The following FNBP1L variants were observed in gnomAD, a reference collection of about 807,000 sequenced individuals.
FNBP1L encodes formin-binding protein 1-like.
In FNBP1L, 36 loss-of-function variants were observed where a neutral mutation model predicts 91.2. The observed-to-expected ratio is 0.39, with a 90% confidence interval of 0.30 to 0.52. The LOEUF is 0.52. Among genes scored for constraint, FNBP1L ranks in the 20% least tolerant of loss-of-function variants. FNBP1L has a pLI of 0.66. For missense variants in FNBP1L, 571 were observed against 732.1 expected (o/e 0.78, Z 2.54); for synonymous variants, 242 against 237.0 (o/e 1.02, Z -0.19).
chr1:93,476,464 G>T (rs1459567751), intron 1 of FNBP1L, among the ~76,000 whole-genome samples: 2 of 152,162 alleles, frequency 1.3e-5, no homozygotes, highest in African/African-American at 2.4e-5. Context: ...ACAAATAATT[G>T]AATGTTAACC....
rs553083912 is a variant in FNBP1L at position 93,497,702 on chromosome 1, C to G, written c.25-1766C>G. 8.5e-5 allele frequency among the ~76,000 whole-genome samples: 13 copies of G among 152,288 alleles called. 1 individual carries two copies. The South Asian group carries it at 2.7e-3, about 32-fold the overall frequency. Reference sequence around the variant, plus strand: ...TGGCATGATCTTGGCTCACTGCAACCTCCGCCTCCTGGGTTCAAGCAATTC... The same window carrying G: ...TGGCATGATCTTGGCTCACTGCAACGTCCGCCTCCTGGGTTCAAGCAATTC... On this transcript the variant is annotated intron_variant, in intron 1 of 16. Coordinates refer to ENST00000271234, the MANE Select transcript of FNBP1L (RefSeq NM_001164473.3).
intron 1 of FNBP1L, among the ~76,000 whole-genome samples, chr1:93,454,148 C>T (rs895490807): frequency 3.3e-5 from 5 of 152,172 alleles, no homozygotes; most frequent in African/African-American, 9.7e-5. Flanking sequence ...CTGGATTAGC[C>T]TGACATTAGT....
chr1:93,487,463 C>G (rs1378869406), intron 1 of FNBP1L, among the ~76,000 whole-genome samples: 1 of 152,174 alleles, frequency 6.6e-6, no homozygotes, highest in Non-Finnish European at 1.5e-5. Flanking sequence ...TTTGGCATCT[C>G]ATTTTTCATC....
chr1:93,547,353 C>T lies in FNBP1L; in HGVS notation c.1414C>T (p.Leu472Phe), dbSNP rs1035656544. The T allele has an allele frequency of 1.9e-6, 3 of 1,556,512 alleles. No individual in the cohort carries two copies. Among genetic ancestry groups the T allele is most frequent in the Admixed American group, 1.9e-5 (1 of 51,674 alleles). Residue 472 changes from leucine to phenylalanine, a missense_variant, in exon 14 of 17, where the codon CTC becomes TTC. Physicochemically the swap from Leu to Phe is conservative, Grantham distance 22 (BLOSUM62 0). Transcript: ENST00000271234. ...GCTTATTTTTTTTCCTAAGGCTTGG[C>T]TCTCTGAAGTCGAAGGCAAAACAGG... The part of the protein sequence containing the change: ...RMEIHKNEAW[L>F]SEVEGKTGGR...
At chr1:93,517,876 A>T (rs1398853418) in intron 2 of FNBP1L, among the ~76,000 whole-genome samples, 1 of 152,178 alleles carries the variant, frequency 6.6e-6, no homozygotes, top group East Asian at 1.9e-4. Context: ...TGGCTTTGTC[A>T]CTTACTGGCT....
In FNBP1L at chr1:93,549,324, C is replaced by T. The variant is rs1374895705; in HGVS notation, c.1549C>T (p.Pro517Ser). ...TGATGCAAACCAGGAAGTCCGTGGG[C>T]CACCCCAGCAGCATGGTCACCACAA... The part of the protein sequence containing the change: ...TDDANQEVRG[P>S]PQQHGHHNEF... Residue 517 changes from proline (P) to serine (S), a missense_variant, in exon 15 of 17, where the codon CCA becomes TCA. Physicochemically the swap from Pro to Ser is moderately conservative, Grantham distance 74 (BLOSUM62 -1). This residue lies in a region of FNBP1L where 189 missense variants were observed against 219.7 expected (regional missense o/e 0.86). Coordinates refer to ENST00000271234, the MANE Select transcript of FNBP1L (RefSeq NM_001164473.3). 2 of 1,612,686 alleles carry T rather than the reference C, an allele frequency of 1.2e-6. No individual in the cohort carries two copies. The highest frequency in any genetic ancestry group is 1.7e-5 in the Admixed American group (1 of 59,776).
intron 1 of FNBP1L, among the ~76,000 whole-genome samples, chr1:93,472,324 A>T (rs1042462522): frequency 3.3e-5 from 5 of 152,344 alleles, no homozygotes; most frequent in African/African-American, 1.2e-4. Flanking sequence ...ATACTTAAGC[A>T]GTGCATTTCA....
At position 93,506,096 on chromosome 1, in the gene FNBP1L, T is replaced by G. The variant is rs1328194216; in HGVS notation, c.140+6513T>G. 1.6e-4 allele frequency among the ~76,000 whole-genome samples: 24 copies of G among 152,226 alleles called. 1 individual carries two copies. The highest frequency in any genetic ancestry group is 1.4e-3 in the Admixed American group (22 of 15,284). ...AGCTAATTTAAGTATAATGAGAAATTTATTTACAATATAAATTTATTGATT... is the reference window on the plus strand; with the variant it reads ...AGCTAATTTAAGTATAATGAGAAATGTATTTACAATATAAATTTATTGATT... On this transcript the variant is annotated intron_variant, in intron 2 of 16. Coordinates refer to ENST00000271234, the MANE Select transcript of FNBP1L (RefSeq NM_001164473.3).
intron 1 of FNBP1L, among the ~76,000 whole-genome samples, chr1:93,450,641 G>C (rs1393339795): frequency 6.6e-6 from 1 of 152,178 alleles, no homozygotes; most frequent in Non-Finnish European, 1.5e-5. Flanking sequence ...CTGTGCTCTT[G>C]CCATTGAGGA....
intron 2 of FNBP1L, among the ~76,000 whole-genome samples, chr1:93,505,258 T>C (rs1342450427): frequency 6.6e-6 from 1 of 152,016 alleles, no homozygotes; most frequent in Non-Finnish European, 1.5e-5. Flanking sequence ...AAATAGCACT[T>C]GAACATAAAT....
chr1:93,509,427 A>G (rs1670742012), intron 2 of FNBP1L, among the ~76,000 whole-genome samples: 1 of 152,176 alleles, frequency 6.6e-6, no homozygotes, highest in Non-Finnish European at 1.5e-5. Context: ...CGTTCTACCA[A>G]ACTGTTAGGG....
intron 7 of FNBP1L, among the ~76,000 whole-genome samples, chr1:93,532,511 T>C (rs1570855751): frequency 7.7e-6 from 1 of 130,588 alleles, no homozygotes; most frequent in South Asian, 2.8e-4. Context: ...GTATATGTTA[T>C]GGGCCAGTTG....
intron 1 of FNBP1L, among the ~76,000 whole-genome samples, chr1:93,480,642 G>A (rs550263417): frequency 1.3e-5 from 2 of 151,640 alleles, no homozygotes; most frequent in Admixed American, 6.6e-5. Flanking sequence ...CTGGAGTGCA[G>A]TGGCACAATC....
In FNBP1L at chr1:93,518,749, C is replaced by G. The variant is rs143578227; in HGVS notation, c.141-3333C>G. On this transcript the variant is annotated intron_variant, in intron 2 of 16. Coordinates refer to ENST00000271234, the MANE Select transcript of FNBP1L (RefSeq NM_001164473.3). The stretch of plus-strand genomic sequence containing the variant: ...TGCCATAAGATTCATTTGCTAAAGT[C>G]TACACTTGAGTGTTCTTTTAGTGTA... Among the ~76,000 whole-genome samples the G allele has an allele frequency of 1.9e-3, 291 of 152,304 alleles. 2 individuals are homozygous for G. Among genetic ancestry groups the G allele is most frequent in the African/African-American group, 6.7e-3 (280 of 41,574 alleles).
chr1:93,523,350 C>A lies in FNBP1L; in HGVS notation c.201C>A (p.Thr67=). The part of the protein sequence containing the change: ...RSSKDEEPRF[T]SCVAFFNILN... ...TTTGAAATGTTTTTGCCAGGTTTAC[C>A]TCGTGTGTAGCCTTTTTTAATATCC... The change falls in exon 4 of 17, where the codon ACC becomes ACA. Residue 67 remains threonine (T), a synonymous_variant. Transcript: ENST00000271234. The A allele has an allele frequency of 6.2e-7, 1 of 1,600,114 alleles. No homozygotes were observed. Among genetic ancestry groups the A allele is most frequent in the Non-Finnish European group, 8.5e-7 (1 of 1,173,782 alleles).
intron 2 of FNBP1L, among the ~76,000 whole-genome samples, chr1:93,511,266 A>T (rs1250537325): frequency 1.3e-5 from 2 of 152,224 alleles, no homozygotes; most frequent in African/African-American, 2.4e-5. Flanking sequence ...CTCAGCAGAA[A>T]CTCTACAAGC....
At chr1:93,531,411 A>G (rs1671674419) in intron 7 of FNBP1L, among the ~76,000 whole-genome samples, 1 of 152,210 alleles carries the variant, frequency 6.6e-6, no homozygotes, top group African/African-American at 2.4e-5. Context: ...AGCCTCAGGT[A>G]AAAAAGACCT....
intron 1 of FNBP1L, among the ~76,000 whole-genome samples, chr1:93,478,943 A>T (rs1669590683): frequency 6.6e-6 from 1 of 152,232 alleles, no homozygotes; most frequent in Non-Finnish European, 1.5e-5. Context: ...ACACATCCTG[A>T]GGTTTGCTTT....
chr1:93,484,930 A>G (rs1282780554), intron 1 of FNBP1L, among the ~76,000 whole-genome samples: 1 of 152,122 alleles, frequency 6.6e-6, no homozygotes, highest in East Asian at 1.9e-4. Flanking sequence ...AGGTGGGAGG[A>G]TCCCTTGAAG....
Sources: gnomAD v4.1 joint callset for allele counts (sites outside exome capture counted in the v4.1 genomes callset) on GRCh38, gnomAD v4.1.1 for gene constraint, gnomAD v4.1.1 regional missense constraint, MANE v1.5 for transcripts, NCBI Gene and HGNC (gene_info 2026-07-23, HGNC 2026-07-21) for gene names.